NAMPT: variants seen among roughly 807,000 people sequenced by gnomAD.
NAMPT encodes the protein nicotinamide phosphoribosyltransferase.
NAMPT carries 7 observed loss-of-function variants against 58.7 expected under a neutral mutation model. The ratio of observed to expected loss-of-function variants is 0.12; its 90% CI spans 0.07 to 0.22. The LOEUF (loss-of-function observed/expected upper bound fraction) is 0.22, where lower values mean the gene tolerates loss of function less well. NAMPT is among the 10% of genes least tolerant of loss of function. NAMPT has a pLI of 1.00. For missense variants in NAMPT, 271 were observed against 567.9 expected (o/e 0.48, Z 5.31); for synonymous variants, 145 against 198.1 (o/e 0.73, Z 2.25).
At chr7:106,267,869 A>AAAAAAAAAAAAAAAAAAAAAAC in intron 6 of NAMPT, among the ~76,000 whole-genome samples, 1 of 140,394 alleles carries the variant, frequency 7.1e-6, no homozygotes, top group South Asian at 2.3e-4. Context: ...AAAAAAAAAA[A>AAAAAAAAAAAAAAAAAAAAAAC]AAAAAAACAA....
At chr7:106,275,132 G>C (rs1326443985) in intron 2 of NAMPT, 83 bp from the exon 3 acceptor site, 8 of 808,598 alleles carry the variant, frequency 9.9e-6, no homozygotes, top group Non-Finnish European at 1.6e-5. Flanking sequence ...AATATCTTTG[G>C]CTATTTCACC....
At chr7:106,275,316 AACTT>A in intron 2 of NAMPT, 1 of 226,238 alleles carries the variant, frequency 4.4e-6, no homozygotes, top group Non-Finnish European at 8.6e-6. Flanking sequence ...AAATGATATT[AACTT>A]AATTTTTTTC....
chr7:106,267,316 TA>T (rs777833829), intron 6 of NAMPT, among the ~76,000 whole-genome samples: 3 of 152,152 alleles, frequency 2.0e-5, no homozygotes, highest in African/African-American at 7.2e-5. Context: ...GTCAGTTTTT[TA>T]AAAATATCCT....
chr7:106,254,431 T>C lies in NAMPT; in HGVS notation c.1163A>G (p.Gln388Arg). 6.2e-7 allele frequency: 1 copy of C among 1,613,986 alleles called. No homozygotes were observed. The highest frequency in any genetic ancestry group is 8.5e-7 in the Non-Finnish European group (1 of 1,179,868). ...ATTCAAGAGATCTCTTGTCAACTTC[T>C]GTAGCAAACCTCCACCAGAACCGAA... Reference protein sequence around the residue: ...IAFGSGGGLLQKLTRDLLNCS... With the variant: ...IAFGSGGGLLRKLTRDLLNCS... Residue 388 changes from glutamine to arginine, a missense_variant, in exon 9 of 11, where the codon CAG becomes CGG. Gln to Arg is a conservative substitution (Grantham distance 43). This residue lies in a region of NAMPT where 143 missense variants were observed against 331.1 expected (regional missense o/e 0.43). Coordinates refer to ENST00000222553, the MANE Select transcript of NAMPT (RefSeq NM_005746.3).
At chr7:106,279,979 G>A (rs907302739) in intron 1 of NAMPT, among the ~76,000 whole-genome samples, 1 of 152,094 alleles carries the variant, frequency 6.6e-6, no homozygotes, top group Non-Finnish European at 1.5e-5. Context: ...GTAAGAACAC[G>A]ATAAGGTCAG....
At chr7:106,266,586 T>C (rs1562815418) in intron 6 of NAMPT, among the ~76,000 whole-genome samples, 5 of 134,924 alleles carry the variant, frequency 3.7e-5, no homozygotes, top group Admixed American at 2.5e-4. Flanking sequence ...TTCTACTGAG[T>C]CCCAACTCAA....
intron 8 of NAMPT, among the ~76,000 whole-genome samples, chr7:106,258,783 G>A (rs566417086): frequency 3.3e-5 from 5 of 152,312 alleles, no homozygotes; most frequent in Admixed American, 6.5e-5. Context: ...CCTTCAGTGA[G>A]TCATCTTTTT....
intron 4 of NAMPT, chr7:106,272,172 G>T: frequency 3.1e-6 from 1 of 327,734 alleles, no homozygotes; most frequent in Middle Eastern, 4.4e-4. Context: ...AGTCTAACTT[G>T]AACATTTATC....
At chr7:106,264,499 A>T (rs951711623) in intron 6 of NAMPT, among the ~76,000 whole-genome samples, 10 of 152,054 alleles carry the variant, frequency 6.6e-5, no homozygotes, top group African/African-American at 2.2e-4. Flanking sequence ...TTATCAGTTA[A>T]GCATCCCCAG....
intron 1 of NAMPT, among the ~76,000 whole-genome samples, chr7:106,280,713 G>A (rs567564433): frequency 3.9e-5 from 6 of 152,164 alleles, no homozygotes; most frequent in African/African-American, 9.6e-5. Flanking sequence ...AGGCCAAGAC[G>A]GGTGGATCAC....
chr7:106,257,627 C>CAA lies in NAMPT; in HGVS notation c.1090-3125_1090-3124dup, dbSNP rs71156310. Among the ~76,000 whole-genome samples, 58 of 139,520 alleles carry CAA rather than the reference C, an allele frequency of 4.2e-4. 1 individual carries two copies. The highest frequency in any genetic ancestry group is 8.2e-4 in the East Asian group (4 of 4,870). 91.5% of individuals were successfully genotyped at this position (139,520 alleles called of 152,430 possible). A position where few individuals can be genotyped will look rare whatever the true frequency, so the allele number is the denominator to read the frequency against. ...CCTGGGTGACAGACTGAGTCCCTGTCAAAAAAAAAAAATCGCACATACATT... is the reference window on the plus strand; with the variant it reads ...CCTGGGTGACAGACTGAGTCCCTGTCAAAAAAAAAAAAAATCGCACATACATT... On this transcript the variant is annotated intron_variant, in intron 8 of 10. Transcript: ENST00000222553.
At chr7:106,260,376 C>T (rs1792282375) in intron 8 of NAMPT, among the ~76,000 whole-genome samples, 1 of 152,256 alleles carries the variant, frequency 6.6e-6, no homozygotes, top group African/African-American at 2.4e-5. Flanking sequence ...GCTTCATCAC[C>T]TCTCTTAGGC....
intron 9 of NAMPT, among the ~76,000 whole-genome samples, chr7:106,253,958 T>C (rs1454173020): frequency 1.3e-5 from 2 of 152,158 alleles, no homozygotes; most frequent in Admixed American, 6.5e-5. Context: ...ATGACTGTGG[T>C]ATAACAATCC....
Position 106,249,487 on chromosome 7 carries a change from A to T in NAMPT, c.*1596T>A, listed in dbSNP as rs1456034039. 1.3e-5 allele frequency: 2 copies of T among 152,452 alleles called. No homozygotes were observed. Among genetic ancestry groups the T allele is most frequent in the Non-Finnish European group, 2.9e-5 (2 of 67,946 alleles). The allele number at this position is 152,452 out of a possible 1,614,324, so 9.4% of individuals were successfully genotyped here. A position where few individuals can be genotyped will look rare whatever the true frequency, so the allele number is the denominator to read the frequency against. On this transcript the variant is annotated 3_prime_UTR_variant, in exon 11 of 11. Transcript: ENST00000222553. ...TCGGATTCTTAAGTGAGAAAAAAGAAGACAAAAGAGGAAAATTCCGTATCA... is the reference window on the plus strand; with the variant it reads ...TCGGATTCTTAAGTGAGAAAAAAGATGACAAAAGAGGAAAATTCCGTATCA...
chr7:106,275,008 C>T lies in NAMPT; in HGVS notation c.256G>A (p.Val86Ile), dbSNP rs2115809549. The stretch of plus-strand genomic sequence containing the variant: ...TCATCTTGGAAATGTTCTTTGTAGA[C>T]ATCTTTGGCTTCCTGGATTTTCTCT... ...TKEKIQEAKD[V>I]YKEHFQDDVF... Residue 86 changes from valine (V) to isoleucine (I), a missense_variant, in exon 3 of 11, where the codon GTC becomes ATC. Val to Ile is a conservative substitution (Grantham distance 29, BLOSUM62 3). This residue lies in a region of NAMPT where 103 missense variants were observed against 194.2 expected (regional missense o/e 0.53). Coordinates refer to ENST00000222553, the MANE Select transcript of NAMPT (RefSeq NM_005746.3). 1 of 1,612,286 alleles carries T rather than the reference C, an allele frequency of 6.2e-7. No homozygotes were observed. The highest frequency in any genetic ancestry group is 1.1e-5 in the South Asian group (1 of 91,012).
rs1199407592 is a variant in NAMPT, at chr7:106,250,048, T to C, written c.*1035A>G. 6.6e-6 allele frequency: 1 copy of C among 152,228 alleles called. No individual in the cohort carries two copies. Among genetic ancestry groups the C allele is most frequent in the Non-Finnish European group, 1.5e-5 (1 of 67,950 alleles). 9.4% of individuals were successfully genotyped at this position (152,228 alleles called of 1,614,324 possible). A position where few individuals can be genotyped will look rare whatever the true frequency, so the allele number is the denominator to read the frequency against. The stretch of plus-strand genomic sequence containing the variant: ...AAATTAATAAATGATGTCCATACAA[T>C]TTAATATCCAATTTAATTTTTTAAA... On this transcript the variant is annotated 3_prime_UTR_variant, in exon 11 of 11. Transcript: ENST00000222553.
chr7:106,279,706 A>G (rs1289253514), intron 1 of NAMPT, among the ~76,000 whole-genome samples: 4 of 152,250 alleles, frequency 2.6e-5, no homozygotes, highest in Admixed American at 6.5e-5. Context: ...GAAAGTAAAT[A>G]GAATGACATG....
In NAMPT at chr7:106,269,139, G is replaced by A. The variant is rs374542118; in HGVS notation, c.606+15C>T. On this transcript the variant is annotated intron_variant, in intron 5 of 10. Coordinates refer to ENST00000222553, the MANE Select transcript of NAMPT (RefSeq NM_005746.3). ...ATCCACATTATATTAAATGAGGTTG[G>A]TTTCAGTTACTTACCTCTTGGGAAG... 40 of 1,602,538 alleles carry A rather than the reference G, an allele frequency of 2.5e-5. No individual in the cohort carries two copies. The highest frequency in any genetic ancestry group is 3.2e-5 in the Non-Finnish European group (38 of 1,175,092).
upstream of NAMPT, chr7:106,285,638 C>G (rs1028397889): frequency 1.0e-6 from 1 of 984,176 alleles, no homozygotes; most frequent in Non-Finnish European, 1.2e-6. Flanking sequence ...CCAGGAGCTG[C>G]GGTGAGGAGT....
Sources: allele counts gnomAD v4.1 joint callset (sites outside exome capture counted in the v4.1 genomes callset), GRCh38; gene constraint gnomAD v4.1.1; regional missense constraint gnomAD v4.1.1; transcripts MANE v1.5; gene names NCBI Gene and HGNC (gene_info 2026-07-23, HGNC 2026-07-21).